Variants in ACOT1 observed in about 807,000 individuals in gnomAD.
ACOT1 encodes the protein acyl-coenzyme A thioesterase 1.
A neutral mutation model predicts 15.7 loss-of-function variants in ACOT1; 8 were observed. The observed-to-expected ratio is 0.51, with a 90% CI of 0.30 to 0.92. The LOEUF is 0.92. Ranked by LOEUF, ACOT1 falls within the 40% of genes least tolerant of loss-of-function variation. The pLI, the probability that ACOT1 is intolerant of heterozygous loss-of-function variation, is 0.06. For synonymous variants in ACOT1, 67 were observed against 241.2 expected (o/e 0.28, Z 6.69); for missense variants, 151 against 539.4 (o/e 0.28, Z 7.13).
At chr14:73,491,195 A>G in the ACOT1 span, 6 of 1,596,920 alleles carry the variant, frequency 3.8e-6, no homozygotes, top group Non-Finnish European at 5.1e-6. Flanking sequence ...GACGCTGCCT[A>G]GCGAGAACTC....
At chr14:73,500,511 G>A in the ACOT1 span, 1 of 1,589,568 alleles carries the variant, frequency 6.3e-7, no homozygotes. Flanking sequence ...CCCTCTTCAG[G>A]TCAATCAGGT....
the ACOT1 span, chr14:73,509,407 T>C: frequency 1.2e-6 from 2 of 1,614,098 alleles, no homozygotes; most frequent in Admixed American, 1.7e-5. Context: ...CACATGGGCA[T>C]TCTTGTCACA....
At chr14:73,519,756 G>A in the ACOT1 span, among the ~76,000 whole-genome samples, 2 of 151,962 alleles carry the variant, frequency 1.3e-5, no homozygotes, top group South Asian at 4.2e-4. Flanking sequence ...CATGGCTCAC[G>A]CCTGTAATCC....
chr14:73,508,206 C>G, the ACOT1 span: 3 of 1,613,950 alleles, frequency 1.9e-6, no homozygotes, highest in African/African-American at 1.3e-5. Flanking sequence ...TTGTAAACAG[C>G]TGGTGGAGGA....
chr14:73,503,082 GT>G, the ACOT1 span: 3 of 1,274,114 alleles, frequency 2.4e-6, no homozygotes, highest in African/African-American at 4.4e-5. Flanking sequence ...GCGTTGTGCT[GT>G]TTTTTCTTCT....
At chr14:73,511,139 C>T in the ACOT1 span, among the ~76,000 whole-genome samples, 1 of 152,282 alleles carries the variant, frequency 6.6e-6, no homozygotes, top group South Asian at 2.1e-4. Context: ...CCACTAGTCT[C>T]ATTTTATAGA....
the ACOT1 span, among the ~76,000 whole-genome samples, chr14:73,530,794 A>ATTTTTTTTTTT: frequency 3.5e-5 from 2 of 57,788 alleles, no homozygotes; most frequent in African/African-American, 6.7e-5. Flanking sequence ...TCTCGGTTAA[A>ATTTTTTTTTTT]TTTTTTTTTT....
chr14:73,519,375 A>T, the ACOT1 span, among the ~76,000 whole-genome samples: 1 of 152,138 alleles, frequency 6.6e-6, no homozygotes, highest in Non-Finnish European at 1.5e-5. Context: ...TGGGGGAAAA[A>T]AAAAAGAAAA....
At chr14:73,528,392 CAAAA>C in the ACOT1 span, among the ~76,000 whole-genome samples, 18 of 88,518 alleles carry the variant, frequency 2.0e-4, no homozygotes, top group Admixed American at 4.6e-4. Context: ...AACTTCATCT[CAAAA>C]AAAAAAAAAA....
chr14:73,491,528 C>T, the ACOT1 span: 1 of 1,525,658 alleles, frequency 6.6e-7, no homozygotes, highest in Non-Finnish European at 8.8e-7. Flanking sequence ...GTCGGGGCCG[C>T]AGGTGGATAA....
At chr14:73,518,880 G>A in the ACOT1 span, 1 of 686,276 alleles carries the variant, frequency 1.5e-6, no homozygotes, top group East Asian at 2.7e-5. Context: ...ATTATTTTTA[G>A]TACGTAGAAA....
At chr14:73,493,964 T>C in the ACOT1 span, among the ~76,000 whole-genome samples, 4 of 152,236 alleles carry the variant, frequency 2.6e-5, no homozygotes, top group African/African-American at 9.6e-5. Flanking sequence ...TACCAGCTTG[T>C]TCAGTTTTAA....
the ACOT1 span, chr14:73,490,979 C>T: frequency 2.3e-6 from 3 of 1,321,284 alleles, no homozygotes; most frequent in Non-Finnish European, 2.9e-6. Context: ...TAGCTTCGCC[C>T]CCGGCCGGCC....
At chr14:73,495,324 C>T in the ACOT1 span, 37 of 1,614,012 alleles carry the variant, frequency 2.3e-5, no homozygotes, top group South Asian at 3.7e-4. Context: ...CTCACTTTTC[C>T]CATGACCATC....
the ACOT1 span, chr14:73,522,728 G>T: frequency 6.2e-7 from 1 of 1,614,200 alleles, no homozygotes; most frequent in Non-Finnish European, 8.5e-7. Flanking sequence ...TTCGGGATTG[G>T]CAGAGCTTTC....
At chr14:73,492,503 G>A in the ACOT1 span, 1 of 1,613,538 alleles carries the variant, frequency 6.2e-7, no homozygotes, top group African/African-American at 1.3e-5. The surrounding 1 kb of genome is among the most constrained non-coding windows in gnomAD (Gnocchi z 4.9). Flanking sequence ...TCCTGTTGAT[G>A]CTGTGGCCGA....
chr14:73,513,337 T>C, the ACOT1 span, among the ~76,000 whole-genome samples: 1 of 151,692 alleles, frequency 6.6e-6, no homozygotes, highest in Non-Finnish European at 1.5e-5. Flanking sequence ...CACATGCCTA[T>C]AGTCCCAGCT....
chr14:73,534,030 C>T (rs1363034294), upstream of ACOT1, among the ~76,000 whole-genome samples: 3 of 109,914 alleles, frequency 2.7e-5, 1 homozygote, highest in East Asian at 7.7e-4. Flanking sequence ...TGCAATGAAC[C>T]ATCATGGTGC....
At chr14:73,532,045 TA>T in the ACOT1 span, among the ~76,000 whole-genome samples, 34 of 112,862 alleles carry the variant, frequency 3.0e-4, 7 homozygotes, top group African/African-American at 9.5e-4. Flanking sequence ...AAAATAAAAA[TA>T]AAAAAACCCT....
Sources: gnomAD v4.1 joint callset for allele counts (sites outside exome capture counted in the v4.1 genomes callset) on GRCh38, gnomAD v4.1.1 for gene constraint, Gnocchi (gnomAD v3.1) non-coding constraint, MANE v1.5 for transcripts, NCBI Gene and HGNC (gene_info 2026-07-23, HGNC 2026-07-21) for gene names.